PDE1C: variants seen among roughly 807,000 people sequenced by gnomAD.
The protein encoded by PDE1C is dual specificity calcium/calmodulin-dependent 3',5'-cyclic nucleotide phosphodiesterase 1C.
A neutral mutation model predicts 93.1 loss-of-function variants in PDE1C; 62 were observed. That is an observed-to-expected ratio of 0.67 (90% CI 0.54 to 0.82). PDE1C has a LOEUF of 0.82. PDE1C is among the 40% of genes least tolerant of loss of function. The pLI is 0.00. For synonymous variants in PDE1C, 325 were observed against 310.1 expected (o/e 1.05, Z -0.50); for missense variants, 742 against 884.6 (o/e 0.84, Z 2.04).
At chr7:32,198,630 A>G (rs1460313303) in intron 2 of PDE1C, among the ~76,000 whole-genome samples, 2 of 152,184 alleles carry the variant, frequency 1.3e-5, no homozygotes, top group African/African-American at 4.8e-5. Flanking sequence ...AGGCAGCAGG[A>G]TGAAAAAGCG....
chr7:32,316,009 T>C (rs931643043), intron 1 of PDE1C, among the ~76,000 whole-genome samples: 1 of 152,126 alleles, frequency 6.6e-6, no homozygotes, highest in East Asian at 1.9e-4. Context: ...AAAATATATA[T>C]ATGTTTTATA....
At chr7:31,990,165 T>C (rs1783977644) in intron 2 of PDE1C, among the ~76,000 whole-genome samples, 1 of 152,164 alleles carries the variant, frequency 6.6e-6, no homozygotes, top group Non-Finnish European at 1.5e-5. Context: ...TGTATCCCCA[T>C]CCAAATCTCA....
the PDE1C span, among the ~76,000 whole-genome samples, chr7:31,711,176 C>T: frequency 5.9e-5 from 9 of 152,038 alleles, no homozygotes; most frequent in Admixed American, 5.2e-4. Flanking sequence ...GTATTTTGAG[C>T]GTGGAACAAA....
intron 2 of PDE1C, chr7:32,170,008 C>T: frequency 6.7e-7 from 1 of 1,502,448 alleles, no homozygotes; most frequent in Non-Finnish European, 9.1e-7. Context: ...CAGTTGACTC[C>T]ATGTCCTGCC....
intron 2 of PDE1C, among the ~76,000 whole-genome samples, chr7:31,914,711 CACAG>C (rs1801662305): frequency 1.3e-5 from 2 of 152,174 alleles, no homozygotes; most frequent in Non-Finnish European, 2.9e-5. Flanking sequence ...ACCCATGCCA[CACAG>C]ACAATTATAA....
At chr7:31,797,580 T>G (rs190674267) in intron 16 of PDE1C, among the ~76,000 whole-genome samples, 6 of 151,760 alleles carry the variant, frequency 4.0e-5, no homozygotes, top group Admixed American at 6.6e-5. Context: ...GTTATTGCTA[T>G]GGCAACACTA....
chr7:32,403,858 CA>C (rs1314763018), intron 1 of PDE1C, among the ~76,000 whole-genome samples: 4 of 152,076 alleles, frequency 2.6e-5, no homozygotes, highest in Non-Finnish European at 5.9e-5. Flanking sequence ...GGAGGAGTGA[CA>C]AAATATAGAA....
At chr7:32,337,214 G>A (rs1381010106) in intron 1 of PDE1C, among the ~76,000 whole-genome samples, 1 of 152,204 alleles carries the variant, frequency 6.6e-6, no homozygotes, top group Admixed American at 6.5e-5. Flanking sequence ...CTTACTAGGT[G>A]CCCTGCAGAC....
At chr7:31,636,118 T>G in the PDE1C span, among the ~76,000 whole-genome samples, 1 of 152,150 alleles carries the variant, frequency 6.6e-6, no homozygotes, top group Admixed American at 6.5e-5. Flanking sequence ...GAGAACTCAC[T>G]CACTGTCACA....
At chr7:31,730,783 TGA>T in the PDE1C span, among the ~76,000 whole-genome samples, 1 of 150,800 alleles carries the variant, frequency 6.6e-6, no homozygotes, top group Non-Finnish European at 1.5e-5. Context: ...AAGTCACACA[TGA>T]GATAGTCGGG....
intron 1 of PDE1C, among the ~76,000 whole-genome samples, chr7:32,053,409 C>G (rs1009878198): frequency 6.6e-6 from 1 of 152,222 alleles, no homozygotes; most frequent in Non-Finnish European, 1.5e-5. Context: ...AGGGCAGAGG[C>G]TTCACCTTCA....
At chr7:31,794,090 A>T (rs1784973026) in intron 16 of PDE1C, among the ~76,000 whole-genome samples, 1 of 132,800 alleles carries the variant, frequency 7.5e-6, no homozygotes, top group Admixed American at 7.3e-5. Flanking sequence ...ACAGACAGAC[A>T]GATAGATAGA....
At chr7:31,625,249 T>C in the PDE1C span, among the ~76,000 whole-genome samples, 1 of 147,546 alleles carries the variant, frequency 6.8e-6, no homozygotes, top group Admixed American at 6.8e-5. Context: ...CAAATACCAT[T>C]TGACCCAGCC....
At chr7:31,620,501 G>A in the PDE1C span, among the ~76,000 whole-genome samples, 1 of 151,254 alleles carries the variant, frequency 6.6e-6, no homozygotes, top group East Asian at 1.9e-4. Context: ...GGCAAACAGG[G>A]TCTGGAGTGG....
chr7:31,735,429 A>G, the PDE1C span, among the ~76,000 whole-genome samples: 4 of 146,148 alleles, frequency 2.7e-5, no homozygotes, highest in African/African-American at 1.0e-4. Context: ...AAAAAAAAGC[A>G]CTGCCTTTAA....
At chr7:32,363,012 CACAT>C (rs912882265) in intron 1 of PDE1C, among the ~76,000 whole-genome samples, 2 of 152,196 alleles carry the variant, frequency 1.3e-5, no homozygotes, top group African/African-American at 4.8e-5. Context: ...TCACAGCAAA[CACAT>C]AATAACAATA....
the PDE1C span, among the ~76,000 whole-genome samples, chr7:31,700,598 T>C: frequency 6.6e-6 from 1 of 152,332 alleles, no homozygotes; most frequent in South Asian, 2.1e-4. Flanking sequence ...TTAATGTAGA[T>C]GAAACAGCCT....
intron 2 of PDE1C, among the ~76,000 whole-genome samples, chr7:31,964,020 C>T (rs538277735): frequency 1.3e-5 from 2 of 152,198 alleles, no homozygotes; most frequent in African/African-American, 2.4e-5. Context: ...ATCTACAGCT[C>T]CCAGTGTGAG....
At chr7:31,811,472 C>T (rs933829610) in intron 15 of PDE1C, among the ~76,000 whole-genome samples, 4 of 152,070 alleles carry the variant, frequency 2.6e-5, no homozygotes, top group African/African-American at 7.2e-5. Flanking sequence ...TCACCTCTTC[C>T]ACCACCAAAA....
Sources: gnomAD v4.1 joint callset for allele counts (sites outside exome capture counted in the v4.1 genomes callset) on GRCh38, gnomAD v4.1.1 for gene constraint, MANE v1.5 for transcripts, NCBI Gene and HGNC (gene_info 2026-07-23, HGNC 2026-07-21) for gene names.